STX17: variants seen among roughly 807,000 people sequenced by gnomAD.
STX17 encodes syntaxin-17.
STX17 carries 29 observed loss-of-function variants against 35.9 expected under a neutral mutation model. That is an observed-to-expected ratio of 0.81 (90% CI 0.60 to 1.10). STX17 has a LOEUF of 1.10. STX17 is among the 50% of genes least tolerant of loss of function. The probability of loss-of-function intolerance (pLI) is 0.00; values close to 1 mark genes in which losing one functional copy is unlikely to be tolerated. For missense variants in STX17, 312 were observed against 352.3 expected (o/e 0.89, Z 0.92); for synonymous variants, 92 against 118.3 (o/e 0.78, Z 1.44).
intron 4 of STX17, among the ~76,000 whole-genome samples, chr9:99,959,526 C>T (rs1293987805): frequency 2.9e-5 from 4 of 139,648 alleles, no homozygotes; most frequent in African/African-American, 1.1e-4. Context: ...GCGGCGTGAT[C>T]ACTGCTCACT....
At position 99,968,734 on chromosome 9, in the gene STX17, G is replaced by T; in HGVS notation, c.*61G>T. The T allele has an allele frequency of 6.4e-7, 1 of 1,566,460 alleles. No homozygotes were observed. The highest frequency in any genetic ancestry group is 1.2e-5 in the South Asian group (1 of 81,124). ...TATCCTGAGGACCTTTGCTGCTGTT[G>T]GACACTCCGTCACCTTTTGGAACAC... On this transcript the variant is annotated 3_prime_UTR_variant, in exon 8 of 8. Coordinates refer to ENST00000259400, the MANE Select transcript of STX17 (RefSeq NM_017919.3).
At chr9:99,921,133 T>A (rs1419579130) in intron 2 of STX17, among the ~76,000 whole-genome samples, 2 of 152,202 alleles carry the variant, frequency 1.3e-5, no homozygotes, top group Non-Finnish European at 2.9e-5. Context: ...AATTACTTGC[T>A]TGAGATCCCT....
chr9:99,945,671 T>G (rs932340216), intron 3 of STX17: 11 of 345,254 alleles, frequency 3.2e-5, no homozygotes, highest in African/African-American at 2.0e-4. Flanking sequence ...TTACTTTCTT[T>G]TGTATTGATC....
chr9:99,956,597 A>G (rs1829715826), intron 4 of STX17, among the ~76,000 whole-genome samples: 1 of 152,222 alleles, frequency 6.6e-6, no homozygotes, highest in African/African-American at 2.4e-5. Flanking sequence ...TATTTTAAGC[A>G]TTTGTAAAAA....
At chr9:99,960,066 T>A in intron 5 of STX17, 34 bp downstream of exon 5, 1 of 1,613,844 alleles carries the variant, frequency 6.2e-7, no homozygotes, top group East Asian at 2.2e-5. Flanking sequence ...TTGGTAGTTG[T>A]GAGGCATAAA....
chr9:99,946,064 T>C (rs1829476550), intron 3 of STX17, among the ~76,000 whole-genome samples: 1 of 152,116 alleles, frequency 6.6e-6, no homozygotes, highest in Admixed American at 6.5e-5. Context: ...GCCTGGGCGA[T>C]AGAGCAAGAC....
intron 6 of STX17, 77 bp downstream of exon 6, chr9:99,960,232 A>G (rs972761725): frequency 2.1e-6 from 3 of 1,397,606 alleles, no homozygotes; most frequent in Middle Eastern, 1.9e-4. Flanking sequence ...TAGGCTTTTA[A>G]TTAGAATTTT....
intron 1 of STX17, among the ~76,000 whole-genome samples, chr9:99,911,338 T>C (rs1275463268): frequency 6.6e-6 from 1 of 151,922 alleles, no homozygotes; most frequent in Non-Finnish European, 1.5e-5. Context: ...TGACCCATTC[T>C]TTTTTTTAAT....
chr9:99,958,418 A>G (rs145004435), intron 4 of STX17, among the ~76,000 whole-genome samples: 72 of 152,310 alleles, frequency 4.7e-4, no homozygotes, highest in African/African-American at 1.6e-3. Context: ...ATATGTCTGT[A>G]TCATGCATTT....
intron 3 of STX17, among the ~76,000 whole-genome samples, chr9:99,929,349 C>G (rs1438614273): frequency 6.6e-6 from 1 of 151,502 alleles, no homozygotes; most frequent in African/African-American, 2.4e-5. Flanking sequence ...ATTAGTATTG[C>G]AAATATTCTT....
intron 6 of STX17, among the ~76,000 whole-genome samples, chr9:99,961,314 A>G (rs1587940954): frequency 6.6e-6 from 1 of 152,208 alleles, no homozygotes; most frequent in African/African-American, 2.4e-5. Context: ...ATCAATTGCA[A>G]GAGTTCACCT....
chr9:99,909,368 G>A (rs2118282242), intron 1 of STX17, among the ~76,000 whole-genome samples: 1 of 152,320 alleles, frequency 6.6e-6, no homozygotes, highest in East Asian at 1.9e-4. Flanking sequence ...GATAGGATTA[G>A]CAATTGTATA....
intron 4 of STX17, among the ~76,000 whole-genome samples, chr9:99,954,960 C>A (rs551813304): frequency 4.6e-5 from 7 of 152,200 alleles, no homozygotes; most frequent in African/African-American, 1.4e-4. Context: ...TAAAGCAAAT[C>A]TTCTCTGCCA....
chr9:99,946,611 G>T (rs1829487717), intron 3 of STX17, among the ~76,000 whole-genome samples: 1 of 151,716 alleles, frequency 6.6e-6, no homozygotes, highest in African/African-American at 2.4e-5. Context: ...TTTTTATCTG[G>T]GATTAATTGT....
rs6478987 is a variant in STX17 at position 99,928,601 on chromosome 9, A to G, written c.124-177A>G. 0.69 allele frequency among the ~76,000 whole-genome samples: 104,690 copies of G among 151,952 alleles called. 36,345 individuals are homozygous for G. The highest frequency in any genetic ancestry group is 0.72 in the African/African-American group (29,999 of 41,454). ...TATAATTTCCGTAATTTTGTATGCA[A>G]CATTCTTAATAATTTCCTACTTGTA... On this transcript the variant is annotated intron_variant, in intron 2 of 7. Coordinates refer to ENST00000259400, the MANE Select transcript of STX17 (RefSeq NM_017919.3).
intron 4 of STX17, among the ~76,000 whole-genome samples, chr9:99,954,521 G>A (rs1199529542): frequency 6.6e-6 from 1 of 151,946 alleles, no homozygotes; most frequent in Non-Finnish European, 1.5e-5. Context: ...TTTAATAGTG[G>A]GGTAGGAATT....
At chr9:99,967,804 C>T in intron 7 of STX17, 65 bp downstream of exon 7, 1 of 1,359,286 alleles carries the variant, frequency 7.4e-7, no homozygotes, top group Non-Finnish European at 1.1e-6. Flanking sequence ...TAGTATTAAC[C>T]CAATTGATCT....
intron 3 of STX17, among the ~76,000 whole-genome samples, chr9:99,949,921 CTG>C (rs1383588020): frequency 3.6e-5 from 5 of 138,362 alleles, no homozygotes; most frequent in African/African-American, 8.4e-5. Context: ...AATACACAAA[CTG>C]TGTACATGCA....
chr9:99,923,158 A>G (rs544422541), intron 2 of STX17, among the ~76,000 whole-genome samples: 41 of 151,370 alleles, frequency 2.7e-4, no homozygotes, highest in African/African-American at 1.0e-3. Flanking sequence ...TTCAGGGAGT[A>G]TATGGGCAGG....
Sources: gnomAD v4.1 joint callset for allele counts (sites outside exome capture counted in the v4.1 genomes callset) on GRCh38, gnomAD v4.1.1 for gene constraint, MANE v1.5 for transcripts, NCBI Gene and HGNC (gene_info 2026-07-23, HGNC 2026-07-21) for gene names.